The following MS4A13 variants were observed in gnomAD, a reference collection of about 807,000 sequenced individuals.
MS4A13 encodes the protein membrane-spanning 4-domains subfamily A member 13.
Under a neutral mutation model 18.4 loss-of-function variants are expected in MS4A13, and 21 were observed. That is an observed-to-expected ratio of 1.14 (90% confidence interval 0.81 to 1.64). The LOEUF (loss-of-function observed/expected upper bound fraction) is 1.64. Among genes scored for constraint, MS4A13 ranks in the 40% most tolerant of loss-of-function variants. The pLI, the probability that MS4A13 is intolerant of heterozygous loss-of-function variation, is 0.00. For synonymous variants in MS4A13, 62 were observed against 57.2 expected, an observed-to-expected ratio of 1.08 and a Z score of -0.38; for missense variants, 173 against 176.8, an observed-to-expected ratio of 0.98 and a Z score of 0.12.
intron 3 of MS4A13, among the ~76,000 whole-genome samples, chr11:60,523,431 A>G (rs1029844900): frequency 3.3e-5 from 5 of 152,206 alleles, no homozygotes; most frequent in African/African-American, 9.6e-5. Flanking sequence ...AATGACTACA[A>G]TCTCATAAAA....
At chr11:60,520,980 G>C (rs2086670021) in intron 3 of MS4A13, among the ~76,000 whole-genome samples, 1 of 152,190 alleles carries the variant, frequency 6.6e-6, no homozygotes, top group Non-Finnish European at 1.5e-5. Flanking sequence ...CTTAATTCTT[G>C]ACTTCTGTGT....
intron 4 of MS4A13, 81 bp downstream of exon 4, chr11:60,524,034 T>G (rs1052246426): frequency 5.2e-5 from 44 of 846,698 alleles, no homozygotes; most frequent in Non-Finnish European, 8.3e-5. Flanking sequence ...ATATAACGTC[T>G]AAACAATGAA....
At chr11:60,542,418 A>G in intron 6 of MS4A13, 101 bp from the exon 7 acceptor site, 1 of 663,876 alleles carries the variant, frequency 1.5e-6, no homozygotes, top group South Asian at 2.7e-5. Flanking sequence ...TCACTCTATA[A>G]ATATCAGTAT....
intron 5 of MS4A13, among the ~76,000 whole-genome samples, chr11:60,527,394 C>CTGTGTG (rs2086723640): frequency 3.8e-4 from 44 of 115,202 alleles, no homozygotes; most frequent in African/African-American, 1.8e-3. Context: ...CTCTCTCTCT[C>CTGTGTG]TCTCTCTCTC....
chr11:60,520,088 C>G (rs1279420416), intron 3 of MS4A13, among the ~76,000 whole-genome samples: 1 of 152,086 alleles, frequency 6.6e-6, no homozygotes, highest in Non-Finnish European at 1.5e-5. Flanking sequence ...TGTGTCCCCA[C>G]CCAAATCTCA....
intron 6 of MS4A13, among the ~76,000 whole-genome samples, chr11:60,531,019 C>T (rs926010274): frequency 6.6e-6 from 1 of 152,136 alleles, no homozygotes; most frequent in Non-Finnish European, 1.5e-5. Context: ...TTATAAATTA[C>T]CCAGTCTTGA....
At chr11:60,521,552 CA>C (rs1359737026) in intron 3 of MS4A13, among the ~76,000 whole-genome samples, 1 of 152,192 alleles carries the variant, frequency 6.6e-6, no homozygotes, top group Non-Finnish European at 1.5e-5. Context: ...TAAAACATAA[CA>C]AGAGTCACCT....
At chr11:60,522,643 G>C (rs1349554286) in intron 3 of MS4A13, among the ~76,000 whole-genome samples, 1 of 152,020 alleles carries the variant, frequency 6.6e-6, no homozygotes, top group Non-Finnish European at 1.5e-5. Flanking sequence ...TCAATGGATT[G>C]CCTTGAAAAA....
At chr11:60,540,029 G>T (rs964399592) in intron 6 of MS4A13, among the ~76,000 whole-genome samples, 2 of 152,184 alleles carry the variant, frequency 1.3e-5, no homozygotes. Context: ...AAGTAATTAT[G>T]TAGGTGGTTA....
rs1565212696 is a variant in MS4A13 at position 60,527,398 on chromosome 11, C to CTGTGTGTG, written c.307-1966_307-1965insGTGTGTGT. 1.1e-3 allele frequency among the ~76,000 whole-genome samples: 105 copies of CTGTGTGTG among 93,206 alleles called. 1 individual carries two copies. The East Asian group carries it at 0.013, about 12-fold the overall frequency. 61.1% of individuals were successfully genotyped at this position (93,206 alleles called of 152,430 possible). A position where few individuals can be genotyped will look rare whatever the true frequency, so the allele number is the denominator to read the frequency against. ...TCTCTCTCTCTCTCTCTCTCTCTCT[C>CTGTGTGTG]TCTCTCTCTCTCTGTGTGTGTGTGT... On this transcript the variant is annotated intron_variant, in intron 5 of 6. Coordinates refer to ENST00000378186, the MANE Select transcript of MS4A13 (RefSeq NM_001012417.3).
rs745457426 is a variant in MS4A13, at chr11:60,529,407, G to A, written c.349G>A (p.Gly117Ser). ...ATCACGTATTTTACTGTTCTTCTAC[G>A]GTTTGGAATTTTCTATTGCACTTAC... ...EVSRILLFFY[G>S]LEFSIALTHS... The change falls in exon 6 of 7, where the codon GGT becomes AGT. Residue 117 changes from glycine (G) to serine (S), a missense_variant. Transcript: ENST00000378186. 30 of 1,609,098 alleles carry A rather than the reference G, an allele frequency of 1.9e-5. No individual in the cohort carries two copies. The highest frequency in any genetic ancestry group is 4.4e-5 in the South Asian group (4 of 90,276).
Position 60,529,407 on chromosome 11 carries a change from G to C in MS4A13, c.349G>C (p.Gly117Arg). The change falls in exon 6 of 7, where the codon GGT becomes CGT. Residue 117 changes from glycine (G) to arginine (R), a missense_variant. Transcript: ENST00000378186. ...ATCACGTATTTTACTGTTCTTCTAC[G>C]GTTTGGAATTTTCTATTGCACTTAC... ...EVSRILLFFY[G>R]LEFSIALTHS... 2 of 1,609,216 alleles carry C rather than the reference G, an allele frequency of 1.2e-6. No individual in the cohort carries two copies.
At chr11:60,535,360 G>A (rs1415670486) in intron 6 of MS4A13, among the ~76,000 whole-genome samples, 1 of 85,254 alleles carries the variant, frequency 1.2e-5, no homozygotes, top group Non-Finnish European at 2.2e-5. Context: ...CAATCCCACA[G>A]AAATACAAAC....
At chr11:60,542,971 A>G (rs1377353135), downstream of MS4A13, among the ~76,000 whole-genome samples, 1 of 152,138 alleles carries the variant, frequency 6.6e-6, no homozygotes, top group Non-Finnish European at 1.5e-5. Flanking sequence ...CAGAAAGCAC[A>G]TTTTACAGTC....
chr11:60,529,522 T>G, intron 6 of MS4A13, 62 bp downstream of exon 6: 1 of 900,892 alleles, frequency 1.1e-6, no homozygotes, highest in Non-Finnish European at 1.7e-6. Flanking sequence ...CTACACTCTA[T>G]GAGAAGATGA....
chr11:60,523,843 T>C (rs17544215), intron 3 of MS4A13, 54 bp from the exon 4 acceptor site: 14,016 of 1,007,578 alleles, frequency 0.014, 154 homozygotes, highest in Non-Finnish European at 0.019. Context: ...AAAAGTACAT[T>C]CTAAATTGGC....
intron 2 of MS4A13, 28 bp from the exon 3 acceptor site, chr11:60,518,044 C>T (rs781478635): frequency 3.1e-5 from 47 of 1,506,618 alleles, no homozygotes; most frequent in Non-Finnish European, 3.6e-5. Flanking sequence ...TACATTATTT[C>T]GGTACTAACA....
chr11:60,532,092 G>A (rs140338657), intron 6 of MS4A13, among the ~76,000 whole-genome samples: 1,895 of 152,320 alleles, frequency 0.012, 20 homozygotes, highest in Non-Finnish European at 0.02. Context: ...TAGACATAGC[G>A]TCTTTGAGCA....
chr11:60,529,660 G>A (rs905918011), intron 6 of MS4A13, among the ~76,000 whole-genome samples, 200 bp downstream of exon 6: 1 of 151,844 alleles, frequency 6.6e-6, no homozygotes, highest in Non-Finnish European at 1.5e-5. Context: ...ACATTTAAAA[G>A]CAAAAAGCAT....
Sources: allele counts gnomAD v4.1 joint callset (sites outside exome capture counted in the v4.1 genomes callset), GRCh38; gene constraint gnomAD v4.1.1; transcripts MANE v1.5; gene names NCBI Gene and HGNC (gene_info 2026-07-23, HGNC 2026-07-21).